Variants in FCSK observed in about 807,000 individuals in gnomAD.
FCSK encodes L-fucose kinase.
A neutral mutation model predicts 122.5 loss-of-function variants in FCSK; 123 were observed. That is an observed-to-expected ratio of 1.00 (90% CI 0.87 to 1.17). FCSK has a LOEUF of 1.17. Ranked by LOEUF, FCSK falls within the 50% of genes most tolerant of loss-of-function variation. The pLI, the probability that FCSK is intolerant of heterozygous loss-of-function variation, is 0.00. For missense variants in FCSK, 1,366 were observed against 1,450.4 expected (o/e 0.94, Z 0.95); for synonymous variants, 620 against 625.5 (o/e 0.99, Z 0.13).
chr16:70,458,359 C>G (rs976146266), intron 1 of FCSK, among the ~76,000 whole-genome samples: 4 of 150,902 alleles, frequency 2.7e-5, no homozygotes, highest in African/African-American at 7.3e-5. Context: ...GGGGTTTCAC[C>G]ATGCTGGCCA....
Position 70,479,766 on chromosome 16 carries a change from T to C in FCSK, c.*86T>C. 1 of 987,716 alleles carries C rather than the reference T, an allele frequency of 1.0e-6. No homozygotes were observed. The highest frequency in any genetic ancestry group is 1.5e-6 in the Non-Finnish European group (1 of 655,086). 61.2% of individuals were successfully genotyped at this position (987,716 alleles called of 1,614,324 possible). ...CCCCATGGGAACCTCCACCTCCTACTCCCCACCCACCTCTGCGAATCTGCT... is the reference window on the plus strand; with the variant it reads ...CCCCATGGGAACCTCCACCTCCTACCCCCCACCCACCTCTGCGAATCTGCT... On this transcript the variant is annotated 3_prime_UTR_variant, in exon 24 of 24. Transcript: ENST00000288078.
chr16:70,475,693 G>C lies in FCSK; in HGVS notation c.2567G>C (p.Arg856Pro), dbSNP rs776613442. Residue 856 changes from arginine (R) to proline (P), a missense_variant, in exon 20 of 24, where the codon CGA (arginine) becomes CCA (proline). Arg to Pro is a moderately radical substitution (Grantham distance 103). Transcript: ENST00000288078. Reference protein sequence around the residue: ...LAGTALAALQRAAGRVVGTEA... With the variant: ...LAGTALAALQPAAGRVVGTEA... Reference sequence around the variant, plus strand: ...GGCACTGCCCTGGCTGCCTTGCAGCGAGCCGCAGGCCGGGTGGTGGGCACG... The same window carrying C: ...GGCACTGCCCTGGCTGCCTTGCAGCCAGCCGCAGGCCGGGTGGTGGGCACG... 6.2e-7 allele frequency: 1 copy of C among 1,602,640 alleles called. No homozygotes were observed. The highest frequency in any genetic ancestry group is 8.5e-7 in the Non-Finnish European group (1 of 1,174,884).
chr16:70,459,680 A>G (rs1381847812), intron 1 of FCSK, among the ~76,000 whole-genome samples: 19 of 117,436 alleles, frequency 1.6e-4, no homozygotes, highest in African/African-American at 6.9e-4. Context: ...TTTTTTGTAG[A>G]GTCCAGGTCT....
intron 4 of FCSK, 51 bp downstream of exon 4, chr16:70,465,227 G>C (rs372141917): frequency 2.6e-6 from 4 of 1,556,916 alleles, no homozygotes; most frequent in Non-Finnish European, 3.5e-6. Context: ...ATCCCAGTTC[G>C]TGGAGTTGAG....
rs201581799 is a variant in FCSK at position 70,472,539 on chromosome 16, A to T, written c.1342-2A>T. 1 of 1,610,768 alleles carries T rather than the reference A, an allele frequency of 6.2e-7. No homozygotes were observed. The highest frequency in any genetic ancestry group is 1.3e-5 in the African/African-American group (1 of 74,886). ...CCCTGACTGCTTCTTCCTCTCCCCC[A>T]GAGACAGGGGGCAGGCACATATCTC... On this transcript the variant is annotated splice_acceptor_variant, in intron 13 of 23. Transcript: ENST00000288078. LOFTEE classifies it high-confidence loss of function.
rs767614228 is a variant in FCSK at position 70,475,758 on chromosome 16, C to T, written c.2632C>T (p.Leu878Phe). The change falls in exon 20 of 24, where the codon CTC becomes TTC. Residue 878 changes from leucine (L) to phenylalanine (F), a missense_variant. Leu to Phe is a conservative substitution (Grantham distance 22). Coordinates refer to ENST00000288078, the MANE Select transcript of FCSK (RefSeq NM_145059.3). ...IHAVLHLEQV[L>F]TTGGGWQDQV... ...CGCAGTGCTGCACCTGGAGCAGGTGCTCACCACTGGTATGTGACTGCCCTG... is the reference window on the plus strand; with the variant it reads ...CGCAGTGCTGCACCTGGAGCAGGTGTTCACCACTGGTATGTGACTGCCCTG... 10 of 1,585,570 alleles carry T rather than the reference C, an allele frequency of 6.3e-6. No individual in the cohort carries two copies. In the East Asian group the frequency reaches 2.0e-4, roughly 32 times the overall value.
At chr16:70,460,157 A>G (rs1268047658) in intron 1 of FCSK, among the ~76,000 whole-genome samples, 1 of 131,136 alleles carries the variant, frequency 7.6e-6, no homozygotes, top group African/African-American at 3.0e-5. Context: ...CCCAGGCTGG[A>G]GTGGAGTGCA....
intron 10 of FCSK, among the ~76,000 whole-genome samples, chr16:70,469,927 C>T (rs146344051): frequency 6.6e-6 from 1 of 152,136 alleles, no homozygotes; most frequent in East Asian, 1.9e-4. Context: ...TCACTGCAAC[C>T]TCTGCGTCTC....
intron 22 of FCSK, 130 bp downstream of exon 22, chr16:70,478,780 CT>C (rs1567715468): frequency 1.3e-6 from 1 of 777,698 alleles, no homozygotes; most frequent in Admixed American, 2.0e-5. Context: ...CAGAAGCCTA[CT>C]GTCTGTCCTC....
chr16:70,469,156 C>G lies in FCSK; in HGVS notation c.788C>G (p.Ser263Cys), dbSNP rs764647820. 4.3e-6 allele frequency: 7 copies of G among 1,614,158 alleles called. No homozygotes were observed. In the East Asian group the frequency reaches 6.7e-5, roughly 15 times the overall value. The change falls in exon 10 of 24, where the codon TCT becomes TGT. Residue 263 changes from serine to cysteine, a missense_variant. Ser to Cys is a moderately radical substitution (Grantham distance 112). Coordinates refer to ENST00000288078, the MANE Select transcript of FCSK (RefSeq NM_145059.3). Reference sequence around the variant, plus strand: ...TGCTTCTTCCCCTTCCCCTAGCTGTCTCTGTTTTTTGACATTCTCCACTGC... The same window carrying G: ...TGCTTCTTCCCCTTCCCCTAGCTGTGTCTGTTTTTTGACATTCTCCACTGC... ...LDSGARPVQL[S>C]LFFDILHCMA... is the part of the protein sequence containing the mutation.
At chr16:70,464,955 G>T (rs984598604) in intron 3 of FCSK, 171 bp from the exon 4 acceptor site, 12 of 1,438,294 alleles carry the variant, frequency 8.3e-6, no homozygotes, top group Non-Finnish European at 1.0e-5. Flanking sequence ...CCCTTATCCA[G>T]GAGGGACCAG....
chr16:70,466,556 G>T, intron 5 of FCSK: 1 of 487,930 alleles, frequency 2.0e-6, no homozygotes, highest in South Asian at 2.8e-5. Flanking sequence ...AATTACCTGG[G>T]CATGATGGCA....
chr16:70,461,620 C>T (rs17878662), intron 1 of FCSK, among the ~76,000 whole-genome samples: 18,262 of 152,214 alleles, frequency 0.12, 3,643 homozygotes, highest in African/African-American at 0.41. Flanking sequence ...TCCTGCAGCT[C>T]TGAGTGCATA....
intron 1 of FCSK, among the ~76,000 whole-genome samples, chr16:70,461,581 C>T (rs1235506289): frequency 6.6e-6 from 1 of 152,178 alleles, no homozygotes; most frequent in Non-Finnish European, 1.5e-5. Context: ...GGCTGAGACC[C>T]CTGGGAAGGG....
intron 22 of FCSK, chr16:70,478,853 G>A: frequency 1.4e-6 from 1 of 701,064 alleles, no homozygotes. Flanking sequence ...CATGGGAAAG[G>A]CCCTCCAGCC....
chr16:70,460,412 TC>T lies in FCSK; in HGVS notation c.-22-2756del, dbSNP rs2048229730. ...AGGCGTGAGCCACCGTGCCTGGACT[TC>T]TTTTTTTTTGAGACAGAATCTCGCT... is the stretch of plus-strand genomic sequence containing the variant. On this transcript the variant is annotated intron_variant, in intron 1 of 23. Coordinates refer to ENST00000288078, the MANE Select transcript of FCSK (RefSeq NM_145059.3). 9.6e-5 allele frequency among the ~76,000 whole-genome samples: 14 copies of T among 145,168 alleles called. No individual in the cohort carries two copies. In the South Asian group the frequency reaches 3.1e-3, roughly 32 times the overall value.
intron 3 of FCSK, among the ~76,000 whole-genome samples, chr16:70,464,206 G>T (rs981660171): frequency 6.6e-6 from 1 of 152,142 alleles, no homozygotes; most frequent in African/African-American, 2.4e-5. Flanking sequence ...GCATCTTTGT[G>T]TGCAGAGTGA....
rs767714892 is a variant in FCSK, at chr16:70,474,952, T to A, written c.2318T>A (p.Val773Glu). 1.9e-6 allele frequency: 3 copies of A among 1,611,504 alleles called. No homozygotes were observed. In the East Asian group the frequency reaches 6.7e-5, roughly 36 times the overall value. ...AVGPRQDEMTVKIVCRCLADL... is the reference protein window; with the variant it reads ...AVGPRQDEMTEKIVCRCLADL... Reference sequence around the variant, plus strand: ...GGGCCTCGGCAGGATGAGATGACTGTGAAGATAGTGTGCCGGTGCCTGGCT... The same window carrying A: ...GGGCCTCGGCAGGATGAGATGACTGAGAAGATAGTGTGCCGGTGCCTGGCT... The change falls in exon 18 of 24, where the codon GTG (valine) becomes GAG (glutamate). Residue 773 changes from valine (V) to glutamate (E), a missense_variant. Val to Glu is a moderately radical substitution (Grantham distance 121). Transcript: ENST00000288078.
intron 5 of FCSK, 42 bp downstream of exon 5, chr16:70,466,299 A>G: frequency 6.2e-7 from 1 of 1,608,724 alleles, no homozygotes; most frequent in South Asian, 1.1e-5. Flanking sequence ...TCCCAGATAG[A>G]GCCACTTCCC....
Sources: allele counts gnomAD v4.1 joint callset (sites outside exome capture counted in the v4.1 genomes callset), GRCh38; gene constraint gnomAD v4.1.1; transcripts MANE v1.5; gene names NCBI Gene and HGNC (gene_info 2026-07-23, HGNC 2026-07-21).